The following STAMBPL1 variants were observed in gnomAD, a reference collection of about 807,000 sequenced individuals.
STAMBPL1 encodes STAM binding protein like 1.
A neutral mutation model predicts 52.9 loss-of-function variants in STAMBPL1; 44 were observed. The observed-to-expected ratio is 0.83, with a 90% CI of 0.65 to 1.07. STAMBPL1 has a LOEUF of 1.07. Ranked by LOEUF, STAMBPL1 falls within the 50% of genes least tolerant of loss-of-function variation. The pLI, the probability that STAMBPL1 is intolerant of heterozygous loss-of-function variation, is 0.00. For synonymous variants in STAMBPL1, 164 were observed against 177.3 expected (o/e 0.92, Z 0.60); for missense variants, 511 against 520.8 (o/e 0.98, Z 0.18).
At chr10:88,889,833 C>G (rs1367393051) in intron 1 of STAMBPL1, among the ~76,000 whole-genome samples, 2 of 152,208 alleles carry the variant, frequency 1.3e-5, no homozygotes, top group African/African-American at 2.4e-5. Context: ...GGGCAAGGAT[C>G]CTTTCTGGGA....
chr10:88,920,391 A>G (rs936619292), intron 8 of STAMBPL1, among the ~76,000 whole-genome samples: 1 of 152,190 alleles, frequency 6.6e-6, no homozygotes, highest in African/African-American at 2.4e-5. Flanking sequence ...AATTTTACAG[A>G]TGATGAAATG....
At chr10:88,882,196 C>A (rs1328059141) in intron 1 of STAMBPL1, 1 of 152,162 alleles carries the variant, frequency 6.6e-6, no homozygotes, top group Non-Finnish European at 1.5e-5. Flanking sequence ...TCTATCTCAA[C>A]CTTCAAGGCC....
In STAMBPL1 at chr10:88,881,384, GA is replaced by G. The variant is rs941310367; in HGVS notation, c.-54+756del. Among the ~76,000 whole-genome samples, 982 of 149,786 alleles carry G rather than the reference GA, an allele frequency of 6.6e-3. 11 individuals carry two copies. The highest frequency in any genetic ancestry group is 0.023 in the African/African-American group (931 of 40,860). Reference sequence around the variant, plus strand: ...GAAACGGAACCCAATCTAGAGGTTTGAAAAAAAAAATCAAGTGCCTGGGAAG... The same window carrying G: ...GAAACGGAACCCAATCTAGAGGTTTGAAAAAAAAATCAAGTGCCTGGGAAG... On this transcript the variant is annotated intron_variant, in intron 1 of 10. Coordinates refer to ENST00000371926, the MANE Select transcript of STAMBPL1 (RefSeq NM_020799.4).
At chr10:88,904,520 A>AT (rs201855148) in intron 2 of STAMBPL1, among the ~76,000 whole-genome samples, 108 of 152,286 alleles carry the variant, frequency 7.1e-4, no homozygotes, top group Middle Eastern at 3.4e-3. Context: ...AGCCAGGGTC[A>AT]TTTTTATCCA....
At chr10:88,911,054 C>CATGAATATTTT (rs1845211092) in intron 5 of STAMBPL1, 43 bp downstream of exon 5, 6 of 1,278,458 alleles carry the variant, frequency 4.7e-6, no homozygotes, top group Non-Finnish European at 6.4e-6. Context: ...ATTTTATGTA[C>CATGAATATTTT]AAGTATTTTT....
At position 88,920,111 on chromosome 10, in the gene STAMBPL1, A is replaced by G. The variant is rs565135242; in HGVS notation, c.1042-1172A>G. 1.9e-4 allele frequency among the ~76,000 whole-genome samples: 29 copies of G among 152,296 alleles called. 2 individuals carry two copies. The highest frequency in any genetic ancestry group is 1.4e-3 in the South Asian group (7 of 4,834). On this transcript the variant is annotated intron_variant, in intron 8 of 10. Transcript: ENST00000371926. ...ACTGATCCTCTCACCTTGGCCACCC[A>G]AAGTGTTGGGATTACAGGCATGAGC...
At chr10:88,907,508 CT>C (rs1845104946) in intron 3 of STAMBPL1, among the ~76,000 whole-genome samples, 1 of 152,180 alleles carries the variant, frequency 6.6e-6, no homozygotes, top group African/African-American at 2.4e-5. Flanking sequence ...CTGCTCTGAT[CT>C]TGCATATGTT....
chr10:88,893,127 A>G (rs1844727968), intron 1 of STAMBPL1, among the ~76,000 whole-genome samples: 1 of 152,232 alleles, frequency 6.6e-6, no homozygotes, highest in Non-Finnish European at 1.5e-5. Flanking sequence ...GAGGAGAGCA[A>G]ATTAGCAAGT....
chr10:88,893,871 G>A (rs1844746763), intron 1 of STAMBPL1: 1 of 152,130 alleles, frequency 6.6e-6, no homozygotes, highest in South Asian at 2.1e-4. Flanking sequence ...CTTGTCCAAG[G>A]CCCAAGGATG....
In STAMBPL1 at chr10:88,908,338, C is replaced by G. The variant is rs552494012; in HGVS notation, c.249-364C>G. ...CAAGAGTGAGAAGGGATTTACATCA[C>G]TCTTTCCATGCTCTGATATTTTTAT... On this transcript the variant is annotated intron_variant, in intron 3 of 10. Coordinates refer to ENST00000371926, the MANE Select transcript of STAMBPL1 (RefSeq NM_020799.4). Among the ~76,000 whole-genome samples, 7 of 152,244 alleles carry G rather than the reference C, an allele frequency of 4.6e-5. No homozygotes were observed. The East Asian group carries it at 7.7e-4, about 17-fold the overall frequency.
At chr10:88,902,904 A>G (rs1844981292) in intron 2 of STAMBPL1, among the ~76,000 whole-genome samples, 1 of 152,136 alleles carries the variant, frequency 6.6e-6, no homozygotes, top group African/African-American at 2.4e-5. Context: ...AGTCATTCAC[A>G]AAAATTAGTT....
At chr10:88,885,884 T>C (rs1844518305) in intron 1 of STAMBPL1, among the ~76,000 whole-genome samples, 1 of 152,224 alleles carries the variant, frequency 6.6e-6, no homozygotes, top group African/African-American at 2.4e-5. Context: ...TATTTTGACT[T>C]TATTGCATTA....
rs1844654806 is a variant in STAMBPL1, at chr10:88,890,608, G to T, written c.-54+9970G>T. ...ATATCAGCGTTTGCCAGATATTTGT[G>T]TAAGTGATTGGATGTTGGTACCATC... is the stretch of plus-strand genomic sequence containing the variant. On this transcript the variant is annotated intron_variant, in intron 1 of 10. Coordinates refer to ENST00000371926, the MANE Select transcript of STAMBPL1 (RefSeq NM_020799.4). Among the ~76,000 whole-genome samples the T allele has an allele frequency of 3.9e-5, 6 of 152,214 alleles. No individual in the cohort carries two copies. The South Asian group carries it at 1.0e-3, about 26-fold the overall frequency.
rs1845136724 is a variant in STAMBPL1, at chr10:88,908,623, GA to G, written c.249-78del. 4.3e-6 allele frequency: 5 copies of G among 1,172,880 alleles called. No homozygotes were observed. The African/African-American group carries it at 7.8e-5, about 18-fold the overall frequency. The allele number at this position is 1,172,880 out of a possible 1,614,324, so 72.7% of individuals were successfully genotyped here. A position where few individuals can be genotyped will look rare whatever the true frequency, so the allele number is the denominator to read the frequency against. On this transcript the variant is annotated intron_variant, in intron 3 of 10. Transcript: ENST00000371926. ...ATTAAACATGTCATTTTTGAAAAAGGATCCTCATTCCCTTATTAGAAAGCAT... is the reference window on the plus strand; with the variant it reads ...ATTAAACATGTCATTTTTGAAAAAGGTCCTCATTCCCTTATTAGAAAGCAT...
At chr10:88,905,777 C>G in intron 3 of STAMBPL1, 117 bp downstream of exon 3, 6 of 758,712 alleles carry the variant, frequency 7.9e-6, no homozygotes, top group Non-Finnish European at 8.4e-6. Context: ...TGCACAGTCT[C>G]TAGGAGCATT....
chr10:88,880,437 GA>G lies in STAMBPL1; in HGVS notation c.-253del. 6.6e-6 allele frequency: 1 copy of G among 152,414 alleles called. No homozygotes were observed. The highest frequency in any genetic ancestry group is 1.5e-5 in the Non-Finnish European group (1 of 68,082). The allele number at this position is 152,414 out of a possible 1,614,324, so 9.4% of individuals were successfully genotyped here. On this transcript the variant is annotated 5_prime_UTR_variant, in exon 1 of 11. Transcript: ENST00000371926. ...CAAAGCTCCATCTGTCGGCAGAGGA[GA>G]AGGGGGAGGAGGCACGGCCGAGGCA...
chr10:88,915,252 G>A (rs1199887358), intron 7 of STAMBPL1, among the ~76,000 whole-genome samples: 1 of 152,172 alleles, frequency 6.6e-6, no homozygotes, highest in Non-Finnish European at 1.5e-5. Context: ...CTACAACAGA[G>A]ATAATGTTTC....
At chr10:88,920,505 T>A (rs1276949074) in intron 8 of STAMBPL1, among the ~76,000 whole-genome samples, 1 of 152,202 alleles carries the variant, frequency 6.6e-6, no homozygotes, top group Non-Finnish European at 1.5e-5. Context: ...ATTAAAATAG[T>A]CACATTCTTT....
At chr10:88,880,841 C>T (rs1844385111) in intron 1 of STAMBPL1, among the ~76,000 whole-genome samples, 1 of 152,186 alleles carries the variant, frequency 6.6e-6, no homozygotes. Flanking sequence ...CCGCCTCCAT[C>T]GGCGCCGCCT....
Sources: gnomAD v4.1 joint callset for allele counts (sites outside exome capture counted in the v4.1 genomes callset) on GRCh38, gnomAD v4.1.1 for gene constraint, MANE v1.5 for transcripts, NCBI Gene and HGNC (gene_info 2026-07-23, HGNC 2026-07-21) for gene names.